The following APELA variants were observed in gnomAD, a reference collection of about 807,000 sequenced individuals.
APELA encodes the protein protein Elabela.
chr4:164,881,209 A>G (rs1730646844), intron 2 of APELA, among the ~76,000 whole-genome samples: 1 of 152,322 alleles, frequency 6.6e-6, no homozygotes, highest in East Asian at 1.9e-4. Context: ...AAACCTAGGT[A>G]GTGGACTCTA....
chr4:164,883,893 G>A (rs1282413975), intron 2 of APELA, among the ~76,000 whole-genome samples: 2 of 139,554 alleles, frequency 1.4e-5, no homozygotes, highest in African/African-American at 2.7e-5. Context: ...TGTTCAATAT[G>A]TCAACACTGA....
chr4:164,895,024 G>A (rs561396272), intron 2 of APELA, among the ~76,000 whole-genome samples: 38 of 152,216 alleles, frequency 2.5e-4, no homozygotes, highest in African/African-American at 8.7e-4. Flanking sequence ...TCTTCAGGAG[G>A]GGTCCCAAAA....
At chr4:164,892,930 TC>T (rs1579113103) in intron 2 of APELA, among the ~76,000 whole-genome samples, 1 of 152,174 alleles carries the variant, frequency 6.6e-6, no homozygotes, top group East Asian at 1.9e-4. Context: ...ATTTTTTGTT[TC>T]TGTAAGGTTA....
chr4:164,890,729 C>T (rs138257232), intron 2 of APELA, among the ~76,000 whole-genome samples: 10 of 152,234 alleles, frequency 6.6e-5, no homozygotes, highest in Non-Finnish European at 1.5e-4. Flanking sequence ...TTTGTTGGAA[C>T]ATATGTTTTC....
intron 2 of APELA, among the ~76,000 whole-genome samples, chr4:164,893,318 T>C (rs1233111451): frequency 6.6e-6 from 1 of 152,186 alleles, no homozygotes; most frequent in Non-Finnish European, 1.5e-5. Flanking sequence ...TACTCTCTTA[T>C]TTCCCTTCTG....
chr4:164,878,203 A>AGAAAGAAAGAAAGAAAGAAAG (rs1730594522), intron 1 of APELA, among the ~76,000 whole-genome samples: 1 of 151,796 alleles, frequency 6.6e-6, no homozygotes, highest in African/African-American at 2.4e-5. Context: ...GAAAAAAGAA[A>AGAAAGAAAGAAAGAAAGAAAG]GAAAGAAAGA....
intron 2 of APELA, among the ~76,000 whole-genome samples, chr4:164,882,758 C>T (rs1730686229): frequency 6.6e-6 from 1 of 152,056 alleles, no homozygotes; most frequent in African/African-American, 2.4e-5. Flanking sequence ...CCCCCCACCC[C>T]ACAACAGTCC....
At chr4:164,877,579 A>T (rs1317060113) in intron 1 of APELA, among the ~76,000 whole-genome samples, 172 bp downstream of exon 1, 1 of 152,136 alleles carries the variant, frequency 6.6e-6, no homozygotes, top group African/African-American at 2.4e-5. Context: ...TGGGTCTATT[A>T]TTTCAATATT....
chr4:164,882,752 C>T (rs1055728673), intron 2 of APELA, among the ~76,000 whole-genome samples: 1 of 152,030 alleles, frequency 6.6e-6, no homozygotes, highest in African/African-American at 2.4e-5. Context: ...CCCACTCCCC[C>T]CACCCCACAA....
At chr4:164,898,430 A>C (rs1268419355), downstream of APELA, among the ~76,000 whole-genome samples, 1 of 149,932 alleles carries the variant, frequency 6.7e-6, no homozygotes, top group Non-Finnish European at 1.5e-5. Flanking sequence ...TGAACCTGGG[A>C]GGAAGAGGTT....
At chr4:164,878,580 A>G (rs945718336) in intron 1 of APELA, among the ~76,000 whole-genome samples, 6 of 152,216 alleles carry the variant, frequency 3.9e-5, no homozygotes, top group Admixed American at 3.9e-4. Flanking sequence ...TGTTCTTACA[A>G]AATATTTGTG....
intron 2 of APELA, among the ~76,000 whole-genome samples, chr4:164,892,326 A>C (rs1730898338): frequency 6.6e-6 from 1 of 152,116 alleles, no homozygotes; most frequent in Admixed American, 6.6e-5. Flanking sequence ...GTCTCAAAAG[A>C]AAAAAACATA....
downstream of APELA, chr4:164,898,580 T>A (rs1731020303): frequency 6.6e-6 from 1 of 151,768 alleles, no homozygotes; most frequent in Non-Finnish European, 1.5e-5. Flanking sequence ...CAGAGCTTGA[T>A]CAAGATGGTT....
In APELA at chr4:164,895,898, C is replaced by T. The variant is rs1377622962; in HGVS notation, c.*484C>T. On this transcript the variant is annotated 3_prime_UTR_variant, in exon 3 of 3. Coordinates refer to ENST00000507152, the MANE Select transcript of APELA (RefSeq NM_001297550.2). ...ATTGCATTGACCATTTGGCTTCGCA[C>T]AATAGGGAGAAAATAATTGGTTCAT... is the stretch of plus-strand genomic sequence containing the variant. 1 of 151,932 alleles carries T rather than the reference C, an allele frequency of 6.6e-6. No individual in the cohort carries two copies. The highest frequency in any genetic ancestry group is 1.5e-5 in the Non-Finnish European group (1 of 67,998). The allele number at this position is 151,932 out of a possible 1,614,324, so 9.4% of individuals were successfully genotyped here.
intron 2 of APELA, among the ~76,000 whole-genome samples, chr4:164,884,733 T>C (rs951810260): frequency 6.6e-6 from 1 of 152,240 alleles, no homozygotes; most frequent in Non-Finnish European, 1.5e-5. Context: ...TATCCTATCA[T>C]AACAATACTT....
chr4:164,886,337 G>A (rs1730769847), intron 2 of APELA, among the ~76,000 whole-genome samples: 1 of 152,142 alleles, frequency 6.6e-6, no homozygotes, highest in African/African-American at 2.4e-5. Flanking sequence ...ATTTACTGAT[G>A]AGATAAAACT....
chr4:164,889,831 T>A (rs1476350929), intron 2 of APELA, among the ~76,000 whole-genome samples: 1 of 152,220 alleles, frequency 6.6e-6, no homozygotes, highest in Non-Finnish European at 1.5e-5. Flanking sequence ...TTGTCTTTAT[T>A]CCCTAAACAA....
chr4:164,894,197 C>T lies in APELA; in HGVS notation c.*2-1219C>T, dbSNP rs145781587. ...AAAATTAGCCAGGTGTCGTGGCGCA[C>T]GCCTGTAATCCCAGCTACTTGGGAG... On this transcript the variant is annotated intron_variant, in intron 2 of 2. Coordinates refer to ENST00000507152, the MANE Select transcript of APELA (RefSeq NM_001297550.2). 0.013 allele frequency among the ~76,000 whole-genome samples: 1,977 copies of T among 152,064 alleles called. 77 individuals carry two copies. In the East Asian group the frequency reaches 0.16, roughly 12 times the overall value.
intron 2 of APELA, among the ~76,000 whole-genome samples, chr4:164,882,921 C>T (rs151337247): frequency 0.019 from 2,946 of 152,204 alleles, 83 homozygotes; most frequent in African/African-American, 0.067. Context: ...AGGACATGAA[C>T]TCATCATTTT....
Sources: gnomAD v4.1 joint callset for allele counts (sites outside exome capture counted in the v4.1 genomes callset) on GRCh38, gnomAD v4.1.1 for gene constraint, MANE v1.5 for transcripts, NCBI Gene and HGNC (gene_info 2026-07-23, HGNC 2026-07-21) for gene names.